Variants in CCDC18 observed in about 807,000 individuals in gnomAD.
CCDC18 encodes coiled-coil domain containing 18.
A neutral mutation model predicts 196.0 loss-of-function variants in CCDC18; 157 were observed. That is an observed-to-expected ratio of 0.80 (90% CI 0.70 to 0.91). The LOEUF is 0.91. Among genes scored for constraint, CCDC18 ranks in the 40% least tolerant of loss-of-function variants. The probability of loss-of-function intolerance (pLI) is 0.00; values close to 1 mark genes in which losing one functional copy is unlikely to be tolerated. For missense variants in CCDC18, 1,465 were observed against 1,611.6 expected (o/e 0.91, Z 1.56); for synonymous variants, 482 against 529.2 (o/e 0.91, Z 1.22).
intron 27 of CCDC18, among the ~76,000 whole-genome samples, chr1:93,269,462 A>G (rs1431643842): frequency 1.5e-5 from 2 of 129,354 alleles, no homozygotes; most frequent in Non-Finnish European, 3.2e-5. Flanking sequence ...ATGAAGTAGT[A>G]AAAAAAAAAA....
At chr1:93,272,135 AG>A (rs1665325594) in intron 28 of CCDC18, among the ~76,000 whole-genome samples, 1 of 152,236 alleles carries the variant, frequency 6.6e-6, no homozygotes, top group African/African-American at 2.4e-5. Flanking sequence ...TCCAAGACAA[AG>A]AAAAATTGTT....
chr1:93,236,459 A>G (rs1660084926), intron 19 of CCDC18, 69 bp downstream of exon 19: 1 of 1,459,830 alleles, frequency 6.9e-7, no homozygotes, highest in Non-Finnish European at 9.3e-7. Context: ...TTGAAATCAG[A>G]TAATGTTCAG....
At chr1:93,278,366 C>T (rs1192052454) in intron 28 of CCDC18, 97 bp from the exon 29 acceptor site, 9 of 455,196 alleles carry the variant, frequency 2.0e-5, no homozygotes, top group East Asian at 1.7e-4. Context: ...TTCTCACTCT[C>T]GCTTTAAATT....
rs1313056325 is a variant in CCDC18 at position 93,278,655 on chromosome 1, T to C, written c.*178T>C. 3.1e-6 allele frequency: 1 copy of C among 327,300 alleles called. No homozygotes were observed. Among genetic ancestry groups the C allele is most frequent in the East Asian group, 4.5e-5 (1 of 22,154 alleles). The allele number at this position is 327,300 out of a possible 1,614,324, so 20.3% of individuals were successfully genotyped here. On this transcript the variant is annotated 3_prime_UTR_variant, in exon 29 of 29. Coordinates refer to ENST00000690025, the MANE Select transcript of CCDC18 (RefSeq NM_001378204.1). The stretch of plus-strand genomic sequence containing the variant: ...AATTATATTTTTAAAGAAAATTTAT[T>C]ATTTTATTTATTGTTTTTTGGCTTA...
intron 19 of CCDC18, among the ~76,000 whole-genome samples, chr1:93,238,679 T>A (rs948986231): frequency 6.6e-6 from 1 of 152,182 alleles, no homozygotes; most frequent in African/African-American, 2.4e-5. Context: ...GCTCTTAGTA[T>A]GTTGATTTGT....
At chr1:93,180,476 C>A, upstream of CCDC18, 1 of 1,496,702 alleles carries the variant, frequency 6.7e-7, no homozygotes, top group Non-Finnish European at 9.0e-7. Context: ...GTCTCGGCCC[C>A]CTCAGGCCAG....
intron 6 of CCDC18, among the ~76,000 whole-genome samples, chr1:93,196,332 G>C (rs1652725689): frequency 6.8e-6 from 1 of 147,372 alleles, no homozygotes; most frequent in Non-Finnish European, 1.5e-5. Context: ...TCAAAAAAGA[G>C]AAAAAAAGAA....
intron 28 of CCDC18, among the ~76,000 whole-genome samples, chr1:93,272,560 T>C (rs1665361627): frequency 2.0e-5 from 3 of 152,242 alleles, no homozygotes; most frequent in African/African-American, 2.4e-5. Flanking sequence ...TTGTGTCCAG[T>C]GTTGCTAAGT....
intron 18 of CCDC18, among the ~76,000 whole-genome samples, chr1:93,233,179 C>A (rs1659508086): frequency 6.6e-6 from 1 of 152,028 alleles, no homozygotes; most frequent in African/African-American, 2.4e-5. Context: ...TATAATTTTT[C>A]CTTTTTGGAT....
At chr1:93,206,357 A>G (rs1223004164) in intron 8 of CCDC18, among the ~76,000 whole-genome samples, 3 of 152,136 alleles carry the variant, frequency 2.0e-5, no homozygotes, top group Admixed American at 2.0e-4. Context: ...AGAAAGAAAG[A>G]TGCTGCCAAT....
chr1:93,270,109 C>A (rs1400920084), intron 27 of CCDC18, among the ~76,000 whole-genome samples: 1 of 152,058 alleles, frequency 6.6e-6, no homozygotes, highest in East Asian at 1.9e-4. Flanking sequence ...TAAGGAGAAT[C>A]TAGTTTTAAT....
rs71094239 is a variant in CCDC18 at position 93,181,159 on chromosome 1, T to TAAAAAAAAA, written c.-3+316_-3+324dup. Among the ~76,000 whole-genome samples the TAAAAAAAAA allele has an allele frequency of 1.5e-3, 131 of 89,852 alleles. 4 individuals carry two copies. The highest frequency in any genetic ancestry group is 3.3e-3 in the African/African-American group (76 of 23,268). The allele number at this position is 89,852 out of a possible 152,430, so 58.9% of individuals were successfully genotyped here. On this transcript the variant is annotated intron_variant, in intron 1 of 28. Transcript: ENST00000690025. ...TGGCGAGCCACTGTCTCTATAAAAT[T>TAAAAAAAAA]AAAAAAAAAAAAAAAAAGAGGAAAC...
In CCDC18 at chr1:93,254,490, A is replaced by G. The variant is rs748642223; in HGVS notation, c.3218A>G (p.Lys1073Arg). 10 of 1,586,290 alleles carry G rather than the reference A, an allele frequency of 6.3e-6. No homozygotes were observed. The South Asian group carries it at 6.8e-5, about 11-fold the overall frequency. ...CNKQIESLND[K>R]LQNAKEQLRE... ...ATTCAGATAGAAAGTCTGAATGACA[A>G]ATTACAAAATGCTAAAGAACAGCTT... The change falls in exon 24 of 29, where the codon AAA becomes AGA. Residue 1073 changes from lysine (K) to arginine (R), a missense_variant. By Grantham distance (26) the Lys-to-Arg change is conservative (BLOSUM62 2). Coordinates refer to ENST00000690025, the MANE Select transcript of CCDC18 (RefSeq NM_001378204.1).
chr1:93,189,101 T>G (rs895921792), intron 4 of CCDC18, among the ~76,000 whole-genome samples: 1 of 152,152 alleles, frequency 6.6e-6, no homozygotes, highest in African/African-American at 2.4e-5. Context: ...CCATTAACCA[T>G]CCCCACCTCT....
chr1:93,205,735 T>C, intron 8 of CCDC18, 104 bp downstream of exon 8: 1 of 1,059,702 alleles, frequency 9.4e-7, no homozygotes, highest in South Asian at 1.5e-5. Flanking sequence ...GCTTACATTA[T>C]ATAGAAGGAT....
At chr1:93,263,580 C>A (rs1664101504) in intron 26 of CCDC18, among the ~76,000 whole-genome samples, 1 of 152,202 alleles carries the variant, frequency 6.6e-6, no homozygotes, top group Non-Finnish European at 1.5e-5. Context: ...AGTTTCTCAT[C>A]TCCATCTGAG....
At chr1:93,211,990 A>G (rs1341188802) in intron 10 of CCDC18, 111 bp from the exon 11 acceptor site, 1 of 894,890 alleles carries the variant, frequency 1.1e-6, no homozygotes, top group Non-Finnish European at 1.7e-6. Context: ...AGAGTTGACT[A>G]ATATTAGAAT....
intron 28 of CCDC18, among the ~76,000 whole-genome samples, chr1:93,274,850 A>AT (rs1665543333): frequency 6.6e-6 from 1 of 152,290 alleles, no homozygotes; most frequent in South Asian, 2.1e-4. Context: ...AACGTAGCCT[A>AT]TTGTTAAACT....
intron 14 of CCDC18, among the ~76,000 whole-genome samples, chr1:93,220,810 G>A (rs972196671): frequency 7.9e-5 from 12 of 152,118 alleles, no homozygotes; most frequent in Non-Finnish European, 4.4e-5. Flanking sequence ...GCCTCAGTAT[G>A]TGTTGTTCCT....
Sources: allele counts gnomAD v4.1 joint callset (sites outside exome capture counted in the v4.1 genomes callset), GRCh38; gene constraint gnomAD v4.1.1; transcripts MANE v1.5; gene names NCBI Gene and HGNC (gene_info 2026-07-23, HGNC 2026-07-21).